Variants in HOMER1 observed in about 807,000 individuals in gnomAD.
HOMER1 encodes the protein homer protein homolog 1.
Under a neutral mutation model 48.9 loss-of-function variants are expected in HOMER1, and 3 were observed. The ratio of observed to expected loss-of-function variants is 0.06; its 90% CI spans 0.03 to 0.16. HOMER1 has a LOEUF of 0.16. Ranked by LOEUF, HOMER1 falls within the 10% of genes least tolerant of loss-of-function variation. The pLI is 1.00. For missense variants in HOMER1, 247 were observed against 411.4 expected, an observed-to-expected ratio of 0.60 and a Z score of 3.46; for synonymous variants, 134 against 146.4, an observed-to-expected ratio of 0.92 and a Z score of 0.61.
chr5:79,409,764 G>GA (rs1287214609), intron 5 of HOMER1, among the ~76,000 whole-genome samples: 1 of 152,156 alleles, frequency 6.6e-6, no homozygotes, highest in African/African-American at 2.4e-5. Flanking sequence ...CTAAGCACTT[G>GA]AAAAGATGTT....
chr5:79,487,287 A>G (rs1752135176), intron 1 of HOMER1, among the ~76,000 whole-genome samples: 1 of 152,190 alleles, frequency 6.6e-6, no homozygotes, highest in African/African-American at 2.4e-5. Context: ...CAAAAAAGAA[A>G]GAAAGAAGGA....
At chr5:79,407,762 G>T (rs1184374175) in intron 5 of HOMER1, among the ~76,000 whole-genome samples, 2 of 152,150 alleles carry the variant, frequency 1.3e-5, no homozygotes, top group African/African-American at 4.8e-5. Flanking sequence ...AATATCTGAA[G>T]ACATAAAGGC....
intron 1 of HOMER1, 79 bp downstream of exon 1, chr5:79,512,691 A>C: frequency 7.2e-7 from 1 of 1,388,156 alleles, no homozygotes; most frequent in Non-Finnish European, 1.0e-6. Context: ...TTGAAAACAC[A>C]AAACACAATC....
intron 1 of HOMER1, among the ~76,000 whole-genome samples, chr5:79,474,473 C>G (rs1430477415): frequency 1.3e-5 from 2 of 152,030 alleles, no homozygotes; most frequent in African/African-American, 4.8e-5. Context: ...TTAAAGTTCT[C>G]CCTTGAATTG....
chr5:79,449,113 C>T (rs1307183149), intron 3 of HOMER1, among the ~76,000 whole-genome samples: 1 of 152,108 alleles, frequency 6.6e-6, no homozygotes, highest in East Asian at 1.9e-4. Flanking sequence ...ACTTAATTTA[C>T]AGACAAAATT....
intron 8 of HOMER1, among the ~76,000 whole-genome samples, chr5:79,394,262 G>C (rs1355528002): frequency 4.6e-5 from 7 of 152,098 alleles, no homozygotes; most frequent in Admixed American, 3.9e-4. Context: ...GGAATTTAAT[G>C]ATCCCAATTT....
At chr5:79,476,043 C>T (rs996100190) in intron 1 of HOMER1, among the ~76,000 whole-genome samples, 13 of 152,090 alleles carry the variant, frequency 8.5e-5, no homozygotes, top group Middle Eastern at 3.2e-3. Context: ...GTTCTCTCAC[C>T]GTTGTTATTG....
At chr5:79,426,997 T>C (rs1212910996) in intron 5 of HOMER1, among the ~76,000 whole-genome samples, 3 of 152,202 alleles carry the variant, frequency 2.0e-5, no homozygotes, top group Non-Finnish European at 4.4e-5. Context: ...CTGCACTTTG[T>C]ACATACAGCA....
In HOMER1 at chr5:79,451,134, G is replaced by C. The variant is rs1405849187; in HGVS notation, c.163-13C>G. The C allele has an allele frequency of 6.2e-7, 1 of 1,605,708 alleles. No individual in the cohort carries two copies. Among genetic ancestry groups the C allele is most frequent in the Non-Finnish European group, 8.5e-7 (1 of 1,173,674 alleles). ...TATTTATTATTGCCTAAAAAATAAA[G>C]CAAGTATGAGCAACCAGCAAAAAAT... is the stretch of plus-strand genomic sequence containing the variant. On this transcript the variant is annotated splice_polypyrimidine_tract_variant and intron_variant, in intron 2 of 8. Transcript: ENST00000334082.
At chr5:79,384,696 A>G (rs1303777038) in intron 8 of HOMER1, among the ~76,000 whole-genome samples, 1 of 152,190 alleles carries the variant, frequency 6.6e-6, no homozygotes, top group Non-Finnish European at 1.5e-5. Flanking sequence ...TACAACAAAA[A>G]AAGAAAACAA....
At chr5:79,466,143 C>T (rs1312309179) in intron 1 of HOMER1, among the ~76,000 whole-genome samples, 1 of 151,982 alleles carries the variant, frequency 6.6e-6, no homozygotes, top group East Asian at 1.9e-4. Flanking sequence ...CCTTACCACC[C>T]ATTAAAAACC....
At chr5:79,405,306 C>T (rs1217022378) in intron 5 of HOMER1, among the ~76,000 whole-genome samples, 1 of 152,176 alleles carries the variant, frequency 6.6e-6, no homozygotes, top group Admixed American at 6.5e-5. Context: ...TGATCTCAGA[C>T]TTCTAGCCTC....
chr5:79,385,842 C>CAAAAAAAA (rs33968519), intron 8 of HOMER1, among the ~76,000 whole-genome samples: 3 of 70,790 alleles, frequency 4.2e-5, no homozygotes, highest in Non-Finnish European at 7.3e-5. Context: ...GACTCTGTCT[C>CAAAAAAAA]AAAAAAAAAA....
At chr5:79,413,970 A>G (rs1749874655) in intron 5 of HOMER1, among the ~76,000 whole-genome samples, 2 of 152,148 alleles carry the variant, frequency 1.3e-5, no homozygotes, top group Non-Finnish European at 2.9e-5. Context: ...ATATGAAGGA[A>G]ATTTTCTATT....
At position 79,439,103 on chromosome 5, in the gene HOMER1, A is replaced by C. The variant is rs931928338; in HGVS notation, c.434T>G (p.Ile145Ser). 2 of 1,613,980 alleles carry C rather than the reference A, an allele frequency of 1.2e-6. No homozygotes were observed. Among genetic ancestry groups the C allele is most frequent in the Non-Finnish European group, 1.7e-6 (2 of 1,179,916 alleles). Reference sequence around the variant, plus strand: ...TGTTCTTTCATCATCTGTCCCGTTGATACTTTCCGGTGTTAAAGGAGACTG... The same window carrying C: ...TGTTCTTTCATCATCTGTCCCGTTGCTACTTTCCGGTGTTAAAGGAGACTG... ...DLQSPLTPESINGTDDERTPD... is the reference protein window; with the variant it reads ...DLQSPLTPESSNGTDDERTPD... The change falls in exon 5 of 9, where the codon ATC becomes AGC. Residue 145 changes from isoleucine to serine, a missense_variant. Ile to Ser is a moderately radical substitution (Grantham distance 142, BLOSUM62 -2). Transcript: ENST00000334082.
intron 1 of HOMER1, among the ~76,000 whole-genome samples, chr5:79,469,229 T>C (rs1751556405): frequency 6.6e-6 from 1 of 152,196 alleles, no homozygotes; most frequent in Non-Finnish European, 1.5e-5. Context: ...ACTTTTAACT[T>C]AGAGCTGCTT....
intron 1 of HOMER1, among the ~76,000 whole-genome samples, chr5:79,465,329 C>T (rs911178411): frequency 7.3e-5 from 11 of 151,720 alleles, no homozygotes; most frequent in African/African-American, 2.7e-4. Context: ...AGAGCAAGAC[C>T]CTGTCTCTTT....
chr5:79,440,459 A>G (rs1268358574), intron 4 of HOMER1, among the ~76,000 whole-genome samples: 1 of 152,134 alleles, frequency 6.6e-6, no homozygotes, highest in African/African-American at 2.4e-5. Context: ...TCACTTAACT[A>G]TTTTTCAATT....
intron 5 of HOMER1, among the ~76,000 whole-genome samples, chr5:79,427,045 T>C (rs1271901212): frequency 1.3e-5 from 2 of 152,238 alleles, no homozygotes; most frequent in Non-Finnish European, 2.9e-5. Flanking sequence ...ATGGCATTGA[T>C]ATACTGCTTG....
Sources: allele counts gnomAD v4.1 joint callset (sites outside exome capture counted in the v4.1 genomes callset), GRCh38; gene constraint gnomAD v4.1.1; transcripts MANE v1.5; gene names NCBI Gene and HGNC (gene_info 2026-07-23, HGNC 2026-07-21).